TAOK3: variants seen among roughly 807,000 people sequenced by gnomAD.
TAOK3 encodes TAO kinase 3.
A neutral mutation model predicts 120.4 loss-of-function variants in TAOK3; 40 were observed. That is an observed-to-expected ratio of 0.33 (90% CI 0.26 to 0.43). The LOEUF (loss-of-function observed/expected upper bound fraction) is 0.43, where lower values mean the gene tolerates loss of function less well. Ranked by LOEUF, TAOK3 falls within the 20% of genes least tolerant of loss-of-function variation. The pLI is 1.00. For missense variants in TAOK3, 821 were observed against 1,112.1 expected, an observed-to-expected ratio of 0.74 and a Z score of 3.72; for synonymous variants, 355 against 387.5, an observed-to-expected ratio of 0.92 and a Z score of 0.99.
At chr12:118,303,200 C>G (rs1166211624) in intron 1 of TAOK3, among the ~76,000 whole-genome samples, 1 of 152,152 alleles carries the variant, frequency 6.6e-6, no homozygotes, top group Non-Finnish European at 1.5e-5. Context: ...CCTATTTACT[C>G]TTCTTAAAAT....
intron 2 of TAOK3, among the ~76,000 whole-genome samples, chr12:118,265,281 C>G (rs1862495786): frequency 6.6e-6 from 1 of 151,040 alleles, no homozygotes; most frequent in South Asian, 2.1e-4. Flanking sequence ...CCTAGCTACT[C>G]AGGACGCTGA....
At chr12:118,256,411 AC>A (rs1431703104) in intron 2 of TAOK3, among the ~76,000 whole-genome samples, 1 of 152,146 alleles carries the variant, frequency 6.6e-6, no homozygotes, top group Non-Finnish European at 1.5e-5. Context: ...GTACACACAT[AC>A]CCCCAAGAGA....
rs1212306000 is a variant in TAOK3, at chr12:118,255,624, A to G, written c.-57T>C. On this transcript the variant is annotated 5_prime_UTR_variant, in exon 3 of 21. Coordinates refer to ENST00000392533, the MANE Select transcript of TAOK3 (RefSeq NM_016281.4). Reference sequence around the variant, plus strand: ...TATCAGTTAGCTTTATTTCTCATTGACAATTTTTTTTGGGGGGTAAATCTT... The same window carrying G: ...TATCAGTTAGCTTTATTTCTCATTGGCAATTTTTTTTGGGGGGTAAATCTT... The G allele has an allele frequency of 6.5e-7, 1 of 1,532,452 alleles. No individual in the cohort carries two copies. Among genetic ancestry groups the G allele is most frequent in the African/African-American group, 1.4e-5 (1 of 71,674 alleles). The allele number at this position is 1,532,452 out of a possible 1,614,324, so 94.9% of individuals were successfully genotyped here.
intron 9 of TAOK3, among the ~76,000 whole-genome samples, chr12:118,221,791 C>G (rs757703711): frequency 6.6e-6 from 1 of 151,738 alleles, no homozygotes; most frequent in Non-Finnish European, 1.5e-5. Flanking sequence ...CCCGCCACCA[C>G]GCCCGGCTAA....
chr12:118,190,519 T>C (rs1364047476), intron 13 of TAOK3: 1 of 152,668 alleles, frequency 6.6e-6, no homozygotes, highest in Non-Finnish European at 1.5e-5. Flanking sequence ...TTTCCAGTCA[T>C]GATCGTACAC....
At chr12:118,348,771 A>G (rs2141197959) in intron 1 of TAOK3, among the ~76,000 whole-genome samples, 1 of 151,638 alleles carries the variant, frequency 6.6e-6, no homozygotes. Context: ...TCTGAAGAAA[A>G]GATATGGGAT....
At chr12:118,272,196 G>A (rs2041727625) in intron 1 of TAOK3, among the ~76,000 whole-genome samples, 1 of 151,700 alleles carries the variant, frequency 6.6e-6, no homozygotes, top group African/African-American at 2.4e-5. Context: ...GGGAGGCTGA[G>A]GCATGAGAAT....
intron 1 of TAOK3, among the ~76,000 whole-genome samples, chr12:118,286,136 G>C (rs938479716): frequency 6.6e-6 from 1 of 152,100 alleles, no homozygotes; most frequent in African/African-American, 2.4e-5. Flanking sequence ...TGATTTGGGG[G>C]CTCCAAGATT....
intron 5 of TAOK3, among the ~76,000 whole-genome samples, chr12:118,241,102 C>A: frequency 6.7e-6 from 1 of 149,732 alleles, no homozygotes. Context: ...ATGATTATGT[C>A]TTATATTTTA....
chr12:118,253,773 G>T (rs1301198083), intron 3 of TAOK3, among the ~76,000 whole-genome samples: 1 of 145,296 alleles, frequency 6.9e-6, no homozygotes, highest in Non-Finnish European at 1.5e-5. Flanking sequence ...AAAAAACAGG[G>T]CCCGGTGCAG....
In TAOK3 at chr12:118,235,575, G is replaced by A. The variant is rs755760113; in HGVS notation, c.534C>T (p.Phe178=). 1.2e-5 allele frequency: 20 copies of A among 1,613,160 alleles called. No individual in the cohort carries two copies. Among genetic ancestry groups the A allele is most frequent in the Admixed American group, 6.7e-5 (4 of 59,936 alleles). Residue 178 remains phenylalanine, a synonymous_variant, in exon 8 of 21, where the codon TTC becomes TTT. Transcript: ENST00000392533. ...SASMASPANS[F]VGTPYWMAPE... ...CTACATACCAGTAAGGTGTGCCCAC[G>A]AAGGAGTTGGCAGGAGAAGCCATTG...
rs1281973846 is a variant in TAOK3, at chr12:118,161,430, A to C, written c.2139+358T>G. Among the ~76,000 whole-genome samples the C allele has an allele frequency of 6.6e-5, 10 of 152,204 alleles. No individual in the cohort carries two copies. Among genetic ancestry groups the C allele is most frequent in the Admixed American group, 3.9e-4 (6 of 15,280 alleles). ...GCTTTAGAGTCTTTCTCAATACAGC[A>C]GTGCTCAAAGTACCTAACACCAATA... On this transcript the variant is annotated intron_variant, in intron 18 of 20. Transcript: ENST00000392533. The surrounding 1 kb of genome is among the most constrained non-coding windows in gnomAD (Gnocchi z 4.5).
intron 1 of TAOK3, among the ~76,000 whole-genome samples, chr12:118,349,017 G>A (rs2141201671): frequency 6.6e-6 from 1 of 151,810 alleles, no homozygotes; most frequent in Non-Finnish European, 1.5e-5. Flanking sequence ...TCAGGCTCTT[G>A]AGTAGCTGGG....
chr12:118,357,029 T>C (rs2141272801), intron 1 of TAOK3, among the ~76,000 whole-genome samples: 1 of 152,236 alleles, frequency 6.6e-6, no homozygotes, highest in East Asian at 1.9e-4. Flanking sequence ...CCCGAGCAAC[T>C]TGCATAACTC....
Position 118,151,047 on chromosome 12 carries a change from C to G in TAOK3, c.2647G>C (p.Gly883Arg). 2 of 1,613,066 alleles carry G rather than the reference C, an allele frequency of 1.2e-6. No individual in the cohort carries two copies. The change falls in exon 21 of 21, where the codon GGA (glycine) becomes CGA (arginine). Residue 883 changes from glycine (G) to arginine (R), a missense_variant. This residue lies in a region of TAOK3 where 354 missense variants were observed against 572.1 expected (regional missense o/e 0.62). Coordinates refer to ENST00000392533, the MANE Select transcript of TAOK3 (RefSeq NM_016281.4). Reference protein sequence around the residue: ...ETFDMESLRMGFGNLVTLDFP... With the variant: ...ETFDMESLRMRFGNLVTLDFP... ...TCTAATGTAACCAAATTCCCAAATC[C>G]CATTCTGAGGCTCTCCATGTCAAAA...
rs1470345308 is a variant in TAOK3, at chr12:118,161,641, A to G, written c.2139+147T>C. ...CTCCTTTTCAGGAGCTTAAATATAG[A>G]CTCTGTGCTTTGCAACTGGAGATTC... On this transcript the variant is annotated intron_variant, in intron 18 of 20. Coordinates refer to ENST00000392533, the MANE Select transcript of TAOK3 (RefSeq NM_016281.4). The surrounding 1 kb of genome is among the most constrained non-coding windows in gnomAD (Gnocchi z 4.5). 9.3e-7 allele frequency: 1 copy of G among 1,071,508 alleles called. No individual in the cohort carries two copies. The highest frequency in any genetic ancestry group is 1.4e-6 in the Non-Finnish European group (1 of 734,418). 66.4% of individuals were successfully genotyped at this position (1,071,508 alleles called of 1,614,324 possible).
At chr12:118,156,171 A>T (rs1445922599) in intron 19 of TAOK3, among the ~76,000 whole-genome samples, 3 of 151,998 alleles carry the variant, frequency 2.0e-5, no homozygotes, top group Non-Finnish European at 2.9e-5. Flanking sequence ...TTTGCCTTTC[A>T]TCTCCCTCTG....
At chr12:118,271,850 G>A (rs553935685) in intron 1 of TAOK3, among the ~76,000 whole-genome samples, 2 of 152,230 alleles carry the variant, frequency 1.3e-5, no homozygotes, top group South Asian at 4.1e-4. Context: ...TCTTCTAAGA[G>A]GATAAGATGA....
intron 1 of TAOK3, among the ~76,000 whole-genome samples, chr12:118,300,822 C>T (rs1184769721): frequency 6.6e-6 from 1 of 151,902 alleles, no homozygotes; most frequent in Non-Finnish European, 1.5e-5. Context: ...ATTGTCCAGG[C>T]TGGAGTGCAA....
Sources: allele counts gnomAD v4.1 joint callset (sites outside exome capture counted in the v4.1 genomes callset), GRCh38; gene constraint gnomAD v4.1.1; regional missense constraint gnomAD v4.1.1; non-coding constraint Gnocchi (gnomAD v3.1); transcripts MANE v1.5; gene names NCBI Gene and HGNC (gene_info 2026-07-23, HGNC 2026-07-21).